MAD1L1: variants seen among roughly 807,000 people sequenced by gnomAD.
MAD1L1 encodes the protein mitotic arrest deficient 1 like 1.
Under a neutral mutation model 96.9 loss-of-function variants are expected in MAD1L1, and 95 were observed. The ratio of observed to expected loss-of-function variants is 0.98; its 90% CI spans 0.83 to 1.16. The LOEUF (loss-of-function observed/expected upper bound fraction) is 1.16. MAD1L1 is among the 50% of genes most tolerant of loss of function. MAD1L1 has a pLI of 0.00. For synonymous variants in MAD1L1, 473 were observed against 396.6 expected (o/e 1.19, Z -2.29); for missense variants, 1,007 against 954.4 (o/e 1.06, Z -0.73).
At chr7:2,018,470 G>A (rs909399755) in intron 12 of MAD1L1, among the ~76,000 whole-genome samples, 3 of 152,190 alleles carry the variant, frequency 2.0e-5, no homozygotes, top group South Asian at 2.1e-4. Context: ...AGGCAGGTGG[G>A]GCAGGCGCGT....
chr7:2,139,231 G>C (rs909094222), intron 11 of MAD1L1, among the ~76,000 whole-genome samples: 2 of 151,960 alleles, frequency 1.3e-5, no homozygotes, highest in African/African-American at 4.8e-5. Context: ...GGGATCACAC[G>C]GCCCGACCCC....
At chr7:1,927,851 G>T (rs1440370621) in intron 17 of MAD1L1, among the ~76,000 whole-genome samples, 2 of 152,172 alleles carry the variant, frequency 1.3e-5, no homozygotes, top group African/African-American at 2.4e-5. Flanking sequence ...TTTGCTCCGA[G>T]GAACACAGGG....
intron 14 of MAD1L1, among the ~76,000 whole-genome samples, chr7:1,983,121 CACACCCACA>C (rs1780987023): frequency 6.7e-6 from 1 of 149,698 alleles, no homozygotes; most frequent in Non-Finnish European, 1.5e-5. Flanking sequence ...CACACGCACA[CACACCCACA>C]GACGCGCGCG....
In MAD1L1 at chr7:2,225,514, G is replaced by A. The variant is rs753917702; in HGVS notation, c.187C>T (p.His63Tyr). The change falls in exon 4 of 19, where the codon CAC becomes TAC. Residue 63 changes from histidine to tyrosine, a missense_variant. Coordinates refer to ENST00000265854, the MANE Select transcript of MAD1L1 (RefSeq NM_001013836.2). Reference protein sequence around the residue: ...ERAEQIRSKSHLIQVEREKMQ... With the variant: ...ERAEQIRSKSYLIQVEREKMQ... ...TTCTCCCGCTCCACCTGGATGAGGTGGGACTTCGAACGGATCTGCTCTGCT... is the reference window on the plus strand; with the variant it reads ...TTCTCCCGCTCCACCTGGATGAGGTAGGACTTCGAACGGATCTGCTCTGCT... 1.9e-6 allele frequency: 3 copies of A among 1,613,906 alleles called. No homozygotes were observed. Among genetic ancestry groups the A allele is most frequent in the South Asian group, 2.2e-5 (2 of 91,084 alleles).
chr7:1,976,608 C>A (rs1780652692), intron 15 of MAD1L1, among the ~76,000 whole-genome samples: 1 of 152,226 alleles, frequency 6.6e-6, no homozygotes, highest in Non-Finnish European at 1.5e-5. Context: ...TGGAAGGGGA[C>A]CCCAGCGGGT....
At chr7:2,232,248 G>A (rs1794231170) in intron 1 of MAD1L1, among the ~76,000 whole-genome samples, 1 of 152,246 alleles carries the variant, frequency 6.6e-6, no homozygotes, top group African/African-American at 2.4e-5. Flanking sequence ...AAGAACCTTG[G>A]CCTGGTGCAA....
chr7:2,092,960 G>T (rs762728195), intron 11 of MAD1L1, among the ~76,000 whole-genome samples: 12 of 152,016 alleles, frequency 7.9e-5, no homozygotes, highest in Non-Finnish European at 1.6e-4. Context: ...CATTTGGGCC[G>T]AGTGCAGTGG....
In MAD1L1 at chr7:2,159,166, C is replaced by G. The variant is rs373732835; in HGVS notation, c.987-9928G>C. ...CCATCCATAAGCCCAAAGGCCCACG[C>G]AGCAGCAAACCCTCGTCACGCTGTG... On this transcript the variant is annotated intron_variant, in intron 10 of 18. Coordinates refer to ENST00000265854, the MANE Select transcript of MAD1L1 (RefSeq NM_001013836.2). Among the ~76,000 whole-genome samples the G allele has an allele frequency of 3.3e-5, 5 of 152,358 alleles. No individual in the cohort carries two copies. The East Asian group carries it at 5.8e-4, about 18-fold the overall frequency.
intron 18 of MAD1L1, among the ~76,000 whole-genome samples, chr7:1,862,001 T>C (rs1030677575): frequency 6.6e-6 from 1 of 152,142 alleles, no homozygotes; most frequent in Non-Finnish European, 1.5e-5. Flanking sequence ...CCCACCGCCA[T>C]GCAGGGGACG....
At chr7:2,193,148 C>G (rs959016685) in intron 10 of MAD1L1, 2 of 152,386 alleles carry the variant, frequency 1.3e-5, no homozygotes. Flanking sequence ...GAAACCCTAA[C>G]CCAACCCTCA....
intron 11 of MAD1L1, among the ~76,000 whole-genome samples, chr7:2,097,184 G>A (rs916481617): frequency 3.3e-5 from 5 of 151,786 alleles, no homozygotes; most frequent in Admixed American, 3.3e-4. Flanking sequence ...CCCACCCCAC[G>A]GCGCCCAGGC....
chr7:1,917,911 GGACGGAGGGCGGCCCT>G (rs1788513592), intron 17 of MAD1L1, among the ~76,000 whole-genome samples: 4 of 152,202 alleles, frequency 2.6e-5, no homozygotes, highest in African/African-American at 9.6e-5. Flanking sequence ...GGGCTAGCGG[GGACGGAGGGCGGCCCT>G]GACTGTGTTG....
chr7:2,212,384 G>A (rs1637734), intron 10 of MAD1L1, among the ~76,000 whole-genome samples: 22 of 152,320 alleles, frequency 1.4e-4, no homozygotes, highest in East Asian at 5.8e-4. Context: ...GGTGAGAACC[G>A]TTTGGATCTG....
Position 1,922,378 on chromosome 7 carries a change from T to G in MAD1L1, c.1807+14309A>C, listed in dbSNP as rs563023967. Among the ~76,000 whole-genome samples the G allele has an allele frequency of 2.6e-5, 4 of 152,294 alleles. No homozygotes were observed. In the East Asian group the frequency reaches 7.7e-4, roughly 29 times the overall value. ...CCTGCAGATTTCATCTTCAGAAGAG[T>G]GAACAGAAACGGCATGTTTTTAATT... On this transcript the variant is annotated intron_variant, in intron 17 of 18. Transcript: ENST00000265854.
intron 10 of MAD1L1, among the ~76,000 whole-genome samples, chr7:2,167,660 T>A (rs1180247754): frequency 6.6e-6 from 1 of 151,426 alleles, no homozygotes; most frequent in Non-Finnish European, 1.5e-5. Context: ...AGCCCGGGAG[T>A]TCGAGGCAGT....
chr7:1,939,126 A>G (rs1266094762), intron 16 of MAD1L1, among the ~76,000 whole-genome samples: 1 of 142,940 alleles, frequency 7.0e-6, no homozygotes, highest in Non-Finnish European at 1.5e-5. Context: ...GCGCGCACAC[A>G]CACACGGGCC....
At chr7:2,048,200 C>A (rs143401590) in intron 12 of MAD1L1, among the ~76,000 whole-genome samples, 1 of 152,222 alleles carries the variant, frequency 6.6e-6, no homozygotes, top group Non-Finnish European at 1.5e-5. Flanking sequence ...TGCACACTGA[C>A]GCACACGCGT....
chr7:2,179,178 G>C (rs1188877504), intron 10 of MAD1L1, among the ~76,000 whole-genome samples: 1 of 152,098 alleles, frequency 6.6e-6, no homozygotes, highest in Non-Finnish European at 1.5e-5. Context: ...AGTGCGCCTG[G>C]GGCATTTTAA....
Position 1,996,569 on chromosome 7 carries a change from C to G in MAD1L1, c.1416+5496G>C, listed in dbSNP as rs369192036. On this transcript the variant is annotated intron_variant, in intron 14 of 18. Transcript: ENST00000265854. ...TCTGTAAAGCACCTGCCGCTAGGCC[C>G]GACTCAGAGTGGGCCTCGACACCCT... Among the ~76,000 whole-genome samples, 473 of 152,320 alleles carry G rather than the reference C, an allele frequency of 3.1e-3. 2 individuals are homozygous for G. Among genetic ancestry groups the G allele is most frequent in the African/African-American group, 0.011 (444 of 41,568 alleles).
Sources: allele counts gnomAD v4.1 joint callset (sites outside exome capture counted in the v4.1 genomes callset), GRCh38; gene constraint gnomAD v4.1.1; transcripts MANE v1.5; gene names NCBI Gene and HGNC (gene_info 2026-07-23, HGNC 2026-07-21).